RPTOR: variants seen among roughly 807,000 people sequenced by gnomAD.
The protein encoded by RPTOR is regulatory-associated protein of mTOR.
RPTOR carries 21 observed loss-of-function variants against 169.9 expected under a neutral mutation model. That is an observed-to-expected ratio of 0.12 (90% CI 0.09 to 0.18). The LOEUF (loss-of-function observed/expected upper bound fraction) is 0.18, where lower values mean the gene tolerates loss of function less well. Among genes scored for constraint, RPTOR ranks in the 10% least tolerant of loss-of-function variants. The probability of loss-of-function intolerance (pLI) is 1.00; values close to 1 mark genes in which losing one functional copy is unlikely to be tolerated. For synonymous variants in RPTOR, 732 were observed against 753.2 expected (o/e 0.97, Z 0.46); for missense variants, 1,133 against 1,855.9 (o/e 0.61, Z 7.16).
rs572960594 is a variant in RPTOR, at chr17:80,826,522, G to A, written c.1136+3299G>A. 9.5e-4 allele frequency among the ~76,000 whole-genome samples: 145 copies of A among 152,374 alleles called. No homozygotes were observed. In the South Asian group the frequency reaches 0.01, roughly 11 times the overall value. On this transcript the variant is annotated intron_variant, in intron 9 of 33. Transcript: ENST00000306801. ...GCCACTGCCAGCAGCCAGGGCCTCC[G>A]GCCCAGCCCAGGTACAGCGGAGTGA...
chr17:80,865,298 A>C (rs1219361416), intron 13 of RPTOR, among the ~76,000 whole-genome samples: 1 of 152,260 alleles, frequency 6.6e-6, no homozygotes, highest in East Asian at 1.9e-4. Flanking sequence ...ATAGATGGAC[A>C]CCTAATCCTG....
At chr17:80,810,511 A>C (rs532680310) in intron 7 of RPTOR, among the ~76,000 whole-genome samples, 2 of 152,318 alleles carry the variant, frequency 1.3e-5, no homozygotes, top group African/African-American at 4.8e-5. Flanking sequence ...TATTGGCATA[A>C]AGATAGGAAT....
chr17:80,854,584 A>G (rs2067832045), intron 11 of RPTOR, among the ~76,000 whole-genome samples: 1 of 152,268 alleles, frequency 6.6e-6, no homozygotes, highest in African/African-American at 2.4e-5. Context: ...GATATTGATC[A>G]CAATCTTCTT....
At position 80,634,759 on chromosome 17, in the gene RPTOR, G is replaced by C. The variant is rs576740497; in HGVS notation, c.265+8966G>C. On this transcript the variant is annotated intron_variant, in intron 2 of 33. Coordinates refer to ENST00000306801, the MANE Select transcript of RPTOR (RefSeq NM_020761.3). ...CTGTGTGTGTGCATACTGTGTGTGT[G>C]CGTACTGTGCGTGTGTGTACTGTGT... Among the ~76,000 whole-genome samples, 175 of 140,662 alleles carry C rather than the reference G, an allele frequency of 1.2e-3. 23 individuals are homozygous for C. The Middle Eastern group carries it at 0.017, about 14-fold the overall frequency. 92.3% of individuals were successfully genotyped at this position (140,662 alleles called of 152,430 possible). A position where few individuals can be genotyped will look rare whatever the true frequency, so the allele number is the denominator to read the frequency against.
intron 3 of RPTOR, among the ~76,000 whole-genome samples, chr17:80,678,444 AAAAC>A (rs1254885798): frequency 5.9e-5 from 9 of 152,224 alleles, no homozygotes; most frequent in African/African-American, 1.9e-4. Context: ...TTCTCTACAA[AAAAC>A]AAACAAATAG....
At chr17:80,656,285 G>A (rs917775206) in intron 3 of RPTOR, among the ~76,000 whole-genome samples, 1 of 152,114 alleles carries the variant, frequency 6.6e-6, no homozygotes, top group South Asian at 2.1e-4. Context: ...TGGTCAGGCT[G>A]GTCTCAAACT....
At chr17:80,874,389 G>T (rs967238716) in intron 13 of RPTOR, among the ~76,000 whole-genome samples, 4 of 152,128 alleles carry the variant, frequency 2.6e-5, no homozygotes, top group Non-Finnish European at 5.9e-5. Flanking sequence ...TAGAGATGGG[G>T]TTTCACCGTG....
At chr17:80,765,561 T>A (rs1326799986) in intron 6 of RPTOR, among the ~76,000 whole-genome samples, 1 of 152,194 alleles carries the variant, frequency 6.6e-6, no homozygotes, top group Non-Finnish European at 1.5e-5. Flanking sequence ...TTAGTGCTGC[T>A]TTCAGGATGA....
At chr17:80,760,311 T>TTTC (rs1555615956) in intron 6 of RPTOR, among the ~76,000 whole-genome samples, 1 of 143,772 alleles carries the variant, frequency 7.0e-6, no homozygotes, top group African/African-American at 2.5e-5. Flanking sequence ...TTTTTTCTTT[T>TTTC]TTTTTTTTTT....
chr17:80,825,978 G>C (rs764150851), intron 9 of RPTOR, among the ~76,000 whole-genome samples: 1 of 152,168 alleles, frequency 6.6e-6, no homozygotes, highest in Non-Finnish European at 1.5e-5. Context: ...CTGGGTCAGC[G>C]GTGGAGGGGT....
rs569926151 is a variant in RPTOR, at chr17:80,803,906, C to T, written c.890+12397C>T. ...CCTGGCCAGACGGGAGCAGCCATGC[C>T]GGGACCAGGGGCAGCGTTCCAGACG... On this transcript the variant is annotated intron_variant, in intron 7 of 33. Coordinates refer to ENST00000306801, the MANE Select transcript of RPTOR (RefSeq NM_020761.3). The surrounding 1 kb of genome is among the most constrained non-coding windows in gnomAD (Gnocchi z 6.2). Among the ~76,000 whole-genome samples, 63 of 152,338 alleles carry T rather than the reference C, an allele frequency of 4.1e-4. No homozygotes were observed. The highest frequency in any genetic ancestry group is 1.4e-3 in the African/African-American group (57 of 41,580).
intron 7 of RPTOR, among the ~76,000 whole-genome samples, chr17:80,805,877 G>A (rs1015289553): frequency 6.6e-6 from 1 of 152,124 alleles, no homozygotes; most frequent in Non-Finnish European, 1.5e-5. Context: ...TCAGGTAAAA[G>A]GTGAATTATC....
In RPTOR at chr17:80,685,182, A is replaced by ATTCAGGGTCGCACCTCATTCGGAGTCG. The variant is rs1567856228; in HGVS notation, c.349-22659_349-22658insTTCAGGGTCGCACCTCATTCGGAGTCG. On this transcript the variant is annotated intron_variant, in intron 3 of 33. Coordinates refer to ENST00000306801, the MANE Select transcript of RPTOR (RefSeq NM_020761.3). ...TCAGGGTCGCACCTCATTCGGAGTC[A>ATTCAGGGTCGCACCTCATTCGGAGTCG]CCCCTCATTCAGGGTCGCTTGTTGC... Among the ~76,000 whole-genome samples the ATTCAGGGTCGCACCTCATTCGGAGTCG allele has an allele frequency of 4.5e-4, 57 of 127,978 alleles. 1 individual carries two copies. Among genetic ancestry groups the ATTCAGGGTCGCACCTCATTCGGAGTCG allele is most frequent in the African/African-American group, 1.2e-3 (32 of 27,460 alleles). The allele number at this position is 127,978 out of a possible 152,430, so 84.0% of individuals were successfully genotyped here. A position where few individuals can be genotyped will look rare whatever the true frequency, so the allele number is the denominator to read the frequency against.
At chr17:80,704,387 A>G (rs762554034) in intron 3 of RPTOR, among the ~76,000 whole-genome samples, 3 of 152,222 alleles carry the variant, frequency 2.0e-5, no homozygotes, top group Non-Finnish European at 4.4e-5. Flanking sequence ...CTGTCTCACC[A>G]AGAACACAAA....
At chr17:80,819,816 A>G (rs2067360986) in intron 7 of RPTOR, among the ~76,000 whole-genome samples, 1 of 152,154 alleles carries the variant, frequency 6.6e-6, no homozygotes, top group South Asian at 2.1e-4. Context: ...CAGTCACTCA[A>G]TCGGTCTTGT....
chr17:80,886,154 T>C (rs2068243606), intron 17 of RPTOR, among the ~76,000 whole-genome samples: 1 of 152,216 alleles, frequency 6.6e-6, no homozygotes, highest in African/African-American at 2.4e-5. Context: ...GGCTTTATCA[T>C]GAGACGGGCC....
At chr17:80,856,542 G>C (rs1301369734) in intron 12 of RPTOR, among the ~76,000 whole-genome samples, 2 of 152,172 alleles carry the variant, frequency 1.3e-5, no homozygotes, top group Non-Finnish European at 2.9e-5. Context: ...TCCAAAACTT[G>C]GAAGAATCAT....
At chr17:80,863,228 C>T (rs2067940324) in intron 13 of RPTOR, among the ~76,000 whole-genome samples, 2 of 152,126 alleles carry the variant, frequency 1.3e-5, no homozygotes, top group African/African-American at 4.8e-5. Flanking sequence ...ACAAGGAGCA[C>T]CAAGGGGGGC....
chr17:80,813,918 G>A (rs1261787298), intron 7 of RPTOR, among the ~76,000 whole-genome samples: 3 of 152,174 alleles, frequency 2.0e-5, no homozygotes, highest in South Asian at 2.1e-4. Context: ...TGGATCACCC[G>A]AGCTCAGGAG....
Sources: allele counts gnomAD v4.1 joint callset (sites outside exome capture counted in the v4.1 genomes callset), GRCh38; gene constraint gnomAD v4.1.1; non-coding constraint Gnocchi (gnomAD v3.1); transcripts MANE v1.5; gene names NCBI Gene and HGNC (gene_info 2026-07-23, HGNC 2026-07-21).